Variants in ITPRID2 observed in about 807,000 individuals in gnomAD.
The protein encoded by ITPRID2 is protein ITPRID2.
ITPRID2 carries 60 observed loss-of-function variants against 124.3 expected under a neutral mutation model. The ratio of observed to expected loss-of-function variants is 0.48; its 90% CI spans 0.39 to 0.60. The LOEUF (loss-of-function observed/expected upper bound fraction) is 0.60. ITPRID2 is among the 20% of genes least tolerant of loss of function. The pLI is 0.00. For synonymous variants in ITPRID2, 521 were observed against 542.9 expected, an observed-to-expected ratio of 0.96 and a Z score of 0.56; for missense variants, 1,553 against 1,512.2, an observed-to-expected ratio of 1.03 and a Z score of -0.45.
In ITPRID2 at chr2:181,892,073, C is replaced by A; in HGVS notation, c.7C>A (p.Arg3=). MD[R]PLSSSAEAEE... is the part of the protein sequence containing the mutation. ...CGGAGCCCCCAGTGCGGCCATGGAC[C>A]GGCCCCTGTCGTCGTCGGCGGAGGC... Residue 3 remains arginine (R), a synonymous_variant, in exon 1 of 18, where the codon CGG becomes AGG. Transcript: ENST00000431877. The surrounding 1 kb of genome is among the most constrained non-coding windows in gnomAD (Gnocchi z 5.2). 2 of 1,551,208 alleles carry A rather than the reference C, an allele frequency of 1.3e-6. No homozygotes were observed. Among genetic ancestry groups the A allele is most frequent in the East Asian group, 2.4e-5 (1 of 41,198 alleles).
Position 181,915,539 on chromosome 2 carries a change from A to G in ITPRID2, c.1899A>G (p.Thr633=). Residue 633 remains threonine (T), a synonymous_variant, in exon 11 of 18, where the codon ACA becomes ACG. Transcript: ENST00000431877. ...EVEEDLFPAE[T]VELLREASAE... ...AAGAGGATTTGTTTCCAGCAGAGAC[A>G]GTAGAGCTACTGAGGGAAGCAAGTG... The G allele has an allele frequency of 6.2e-7, 1 of 1,614,262 alleles. No individual in the cohort carries two copies. The highest frequency in any genetic ancestry group is 8.5e-7 in the Non-Finnish European group (1 of 1,180,040).
chr2:181,897,701 TA>T (rs901432438), intron 4 of ITPRID2, among the ~76,000 whole-genome samples: 3 of 151,764 alleles, frequency 2.0e-5, no homozygotes, highest in Admixed American at 6.6e-5. Context: ...TGTACTTTTT[TA>T]AAAAAAACAA....
In ITPRID2 at chr2:181,910,086, C is replaced by T; in HGVS notation, c.1486+115C>T. 1 of 688,502 alleles carries T rather than the reference C, an allele frequency of 1.5e-6. No individual in the cohort carries two copies. The highest frequency in any genetic ancestry group is 2.4e-6 in the Non-Finnish European group (1 of 413,940). The allele number at this position is 688,502 out of a possible 1,614,324, so 42.6% of individuals were successfully genotyped here. A position where few individuals can be genotyped will look rare whatever the true frequency, so the allele number is the denominator to read the frequency against. Reference sequence around the variant, plus strand: ...TTTATGAGTGTGAAAAGGCAAAGAACACACACAGGTAGGCATGATTCACTA... The same window carrying T: ...TTTATGAGTGTGAAAAGGCAAAGAATACACACAGGTAGGCATGATTCACTA... On this transcript the variant is annotated intron_variant, in intron 9 of 17. Transcript: ENST00000431877. The surrounding 1 kb of genome is among the most constrained non-coding windows in gnomAD (Gnocchi z 4.1).
intron 8 of ITPRID2, among the ~76,000 whole-genome samples, chr2:181,906,245 C>A (rs892213198): frequency 6.6e-6 from 1 of 152,122 alleles, no homozygotes; most frequent in Non-Finnish European, 1.5e-5. Flanking sequence ...CACCATCTTT[C>A]TGAGGGCTAT....
chr2:181,899,503 G>A (rs141255079), intron 6 of ITPRID2, among the ~76,000 whole-genome samples: 88 of 152,232 alleles, frequency 5.8e-4, no homozygotes, highest in African/African-American at 1.9e-3. Context: ...TGATATTTAA[G>A]CATACTTTTT....
Position 181,901,749 on chromosome 2 carries a change from A to G in ITPRID2, c.713-17A>G. The G allele has an allele frequency of 6.5e-7, 1 of 1,544,022 alleles. No homozygotes were observed. Among genetic ancestry groups the G allele is most frequent in the Non-Finnish European group, 8.8e-7 (1 of 1,140,686 alleles). ...ATATAAATATAAACATATCATTAAT[A>G]TTGTTTCTTTTGGTAGGCCGTTTTC... On this transcript the variant is annotated splice_polypyrimidine_tract_variant and intron_variant, in intron 7 of 17. Coordinates refer to ENST00000431877, the MANE Select transcript of ITPRID2 (RefSeq NM_001130445.3).
Position 181,928,273 on chromosome 2 carries a change from T to A in ITPRID2, c.*8T>A, listed in dbSNP as rs931925110. On this transcript the variant is annotated 3_prime_UTR_variant, in exon 17 of 18. Coordinates refer to ENST00000431877, the MANE Select transcript of ITPRID2 (RefSeq NM_001130445.3). ...AAGCAAGATTATCATTAAACAGAAA[T>A]TATAGGTAAATTTTTCTGAGTTTCT... The A allele has an allele frequency of 4.0e-6, 6 of 1,511,856 alleles. No homozygotes were observed. The highest frequency in any genetic ancestry group is 3.4e-4 in the Middle Eastern group (2 of 5,824). The allele number at this position is 1,511,856 out of a possible 1,614,324, so 93.7% of individuals were successfully genotyped here.
Position 181,892,611 on chromosome 2 carries a change from C to A in ITPRID2, c.212-4C>A, listed in dbSNP as rs374974604. On this transcript the variant is annotated splice_polypyrimidine_tract_variant and splice_region_variant and intron_variant, in intron 1 of 17. Transcript: ENST00000431877. The surrounding 1 kb of genome is among the most constrained non-coding windows in gnomAD (Gnocchi z 5.2). Reference sequence around the variant, plus strand: ...AACGTGCTGTCCCCTCTCTCTACCCCCAGGAAACGTGCCCAACGAGAAGAT... The same window carrying A: ...AACGTGCTGTCCCCTCTCTCTACCCACAGGAAACGTGCCCAACGAGAAGAT... 1 of 1,614,130 alleles carries A rather than the reference C, an allele frequency of 6.2e-7. No individual in the cohort carries two copies. Among genetic ancestry groups the A allele is most frequent in the South Asian group, 1.1e-5 (1 of 91,076 alleles).
rs1009823458 is a variant in ITPRID2 at position 181,930,092 on chromosome 2, T to A, written c.*545T>A. 1 of 153,058 alleles carries A rather than the reference T, an allele frequency of 6.5e-6. No homozygotes were observed. The highest frequency in any genetic ancestry group is 6.5e-5 in the Admixed American group (1 of 15,312). The allele number at this position is 153,058 out of a possible 1,614,324, so 9.5% of individuals were successfully genotyped here. On this transcript the variant is annotated 3_prime_UTR_variant, in exon 18 of 18. Transcript: ENST00000431877. ...GGGGAGGTTACTAATAGCAGTAGGA[T>A]AGAATTTTATGAGGTTACCTACAAC...
chr2:181,927,814 A>G (rs896710236), intron 16 of ITPRID2, among the ~76,000 whole-genome samples: 1 of 152,234 alleles, frequency 6.6e-6, no homozygotes, highest in Non-Finnish European at 1.5e-5. Context: ...AAAGTTAGAC[A>G]ATACTAAAAA....
At position 181,913,857 on chromosome 2, in the gene ITPRID2, G is replaced by A. The variant is rs779124967; in HGVS notation, c.1499G>A (p.Arg500His). 9.9e-6 allele frequency: 16 copies of A among 1,611,924 alleles called. No individual in the cohort carries two copies. The highest frequency in any genetic ancestry group is 1.3e-5 in the African/African-American group (1 of 74,790). Reference sequence around the variant, plus strand: ...TTTTTATTCATAGATCATCTGTTACGTACTGCAAGTCAGCATTCCGATAGC... The same window carrying A: ...TTTTTATTCATAGATCATCTGTTACATACTGCAAGTCAGCATTCCGATAGC... ...LTKSKRDHLL[R>H]TASQHSDSSG... The change falls in exon 10 of 18, where the codon CGT becomes CAT. Residue 500 changes from arginine to histidine, a missense_variant. By Grantham distance (29) the Arg-to-His change is conservative (BLOSUM62 0). Coordinates refer to ENST00000431877, the MANE Select transcript of ITPRID2 (RefSeq NM_001130445.3).
At chr2:181,916,461 T>G (rs201425919) in intron 11 of ITPRID2, 34 bp downstream of exon 11, 7 of 1,586,224 alleles carry the variant, frequency 4.4e-6, no homozygotes, top group Non-Finnish European at 6.0e-6. Context: ...TTAGCTTTTT[T>G]CTTTTACTGC....
chr2:181,897,063 T>A (rs1402866916), intron 4 of ITPRID2, 99 bp downstream of exon 4: 1 of 1,005,498 alleles, frequency 9.9e-7, no homozygotes, highest in Admixed American at 2.0e-5. Context: ...CAAGCTAAAT[T>A]TAAAGGTCTT....
intron 14 of ITPRID2, among the ~76,000 whole-genome samples, chr2:181,920,038 A>G (rs972160534): frequency 5.3e-5 from 8 of 152,160 alleles, no homozygotes; most frequent in African/African-American, 1.9e-4. Flanking sequence ...GTTTCTTTCC[A>G]TAACATTTGA....
chr2:181,928,346 GT>G, intron 17 of ITPRID2, 68 bp downstream of exon 17: 1 of 972,238 alleles, frequency 1.0e-6, no homozygotes, highest in Non-Finnish European at 1.5e-6. Context: ...TCTTTGTTTT[GT>G]TAGTATACAG....
rs1283148496 is a variant in ITPRID2, at chr2:181,918,889, G to T, written c.2993+7G>T. 1 of 1,612,788 alleles carries T rather than the reference G, an allele frequency of 6.2e-7. No individual in the cohort carries two copies. The highest frequency in any genetic ancestry group is 8.5e-7 in the Non-Finnish European group (1 of 1,179,728). The stretch of plus-strand genomic sequence containing the variant: ...ATATGACTGAGGAGGAGAGGTAAAA[G>T]TTCATTTTGTCTTAGCACACCTCAA... On this transcript the variant is annotated splice_region_variant and intron_variant, in intron 13 of 17. Transcript: ENST00000431877.
At chr2:181,909,857 C>A in intron 8 of ITPRID2, 42 bp from the exon 9 acceptor site, 1 of 1,473,660 alleles carries the variant, frequency 6.8e-7, no homozygotes, top group South Asian at 1.2e-5. Context: ...ACTTGTTTGC[C>A]TTAGATTCAT....
At chr2:181,922,627 AT>A (rs1694563476) in intron 16 of ITPRID2, among the ~76,000 whole-genome samples, 1 of 152,232 alleles carries the variant, frequency 6.6e-6, no homozygotes, top group South Asian at 2.1e-4. Flanking sequence ...ATGTGAAATA[AT>A]TACAATTCTC....
intron 9 of ITPRID2, among the ~76,000 whole-genome samples, chr2:181,913,019 A>G (rs1421690885): frequency 2.6e-5 from 4 of 152,182 alleles, no homozygotes; most frequent in Non-Finnish European, 4.4e-5. Context: ...ACATTTAAGT[A>G]TGCTTGCATT....
Sources: gnomAD v4.1 joint callset for allele counts (sites outside exome capture counted in the v4.1 genomes callset) on GRCh38, gnomAD v4.1.1 for gene constraint, Gnocchi (gnomAD v3.1) non-coding constraint, MANE v1.5 for transcripts, NCBI Gene and HGNC (gene_info 2026-07-23, HGNC 2026-07-21) for gene names.